Variants in GOLIM4 observed in about 807,000 individuals in gnomAD.
GOLIM4 encodes 130 kDa golgi-localized phosphoprotein.
GOLIM4 carries 71 observed loss-of-function variants against 107.4 expected under a neutral mutation model. The ratio of observed to expected loss-of-function variants is 0.66; its 90% CI spans 0.55 to 0.81. The LOEUF is 0.81. Among genes scored for constraint, GOLIM4 ranks in the 30% least tolerant of loss-of-function variants. The pLI, the probability that GOLIM4 is intolerant of heterozygous loss-of-function variation, is 0.00. For missense variants in GOLIM4, 830 were observed against 826.1 expected, an observed-to-expected ratio of 1.00 and a Z score of -0.06; for synonymous variants, 327 against 294.8, an observed-to-expected ratio of 1.11 and a Z score of -1.12.
intron 1 of GOLIM4, among the ~76,000 whole-genome samples, chr3:168,062,786 T>C (rs1245924982): frequency 6.6e-6 from 1 of 152,098 alleles, no homozygotes; most frequent in Non-Finnish European, 1.5e-5. Context: ...GCAAACTATA[T>C]TTAGGAAATA....
At chr3:168,016,568 T>C (rs1266231433) in intron 14 of GOLIM4, among the ~76,000 whole-genome samples, 1 of 133,534 alleles carries the variant, frequency 7.5e-6, no homozygotes, top group Non-Finnish European at 1.5e-5. Context: ...TTATAAATCA[T>C]GCTGCTATAA....
chr3:168,021,466 G>A (rs565804471), intron 14 of GOLIM4, among the ~76,000 whole-genome samples: 125 of 152,232 alleles, frequency 8.2e-4, no homozygotes, highest in Middle Eastern at 3.4e-3. Context: ...AGGAGTTCAA[G>A]ACTAGCCTGG....
chr3:168,094,966 G>C (rs1722094908), intron 1 of GOLIM4, 133 bp downstream of exon 1: 1 of 642,450 alleles, frequency 1.6e-6, no homozygotes, highest in African/African-American at 1.8e-5. Context: ...GTCCTGAAAC[G>C]CTCACCTCTG....
intron 1 of GOLIM4, among the ~76,000 whole-genome samples, chr3:168,091,632 A>G (rs1577584929): frequency 6.6e-6 from 1 of 152,200 alleles, no homozygotes; most frequent in African/African-American, 2.4e-5. Flanking sequence ...CAAGAGTAAA[A>G]GGGATAAAGC....
At chr3:168,037,957 C>T (rs554663973) in intron 7 of GOLIM4, among the ~76,000 whole-genome samples, 10 of 152,320 alleles carry the variant, frequency 6.6e-5, no homozygotes, top group East Asian at 5.8e-4. Context: ...ACAGGGCCAG[C>T]TCCGCAGTGT....
At chr3:168,011,251 G>A (rs1214353575) in intron 14 of GOLIM4, among the ~76,000 whole-genome samples, 1 of 151,724 alleles carries the variant, frequency 6.6e-6, no homozygotes, top group Non-Finnish European at 1.5e-5. Context: ...GGGTCGGGGA[G>A]TTCCCTTTCC....
chr3:168,051,093 G>T (rs942219377), intron 1 of GOLIM4, among the ~76,000 whole-genome samples: 1 of 152,066 alleles, frequency 6.6e-6, no homozygotes, highest in Non-Finnish European at 1.5e-5. Flanking sequence ...TGTGGTACCA[G>T]ATAATCAGGT....
intron 1 of GOLIM4, among the ~76,000 whole-genome samples, chr3:168,054,399 A>T (rs1719824480): frequency 6.6e-6 from 1 of 152,142 alleles, no homozygotes; most frequent in East Asian, 1.9e-4. Context: ...AGCCCCTCCT[A>T]CTGCCTTTCC....
At chr3:168,089,472 T>C (rs984396775) in intron 1 of GOLIM4, among the ~76,000 whole-genome samples, 13 of 152,332 alleles carry the variant, frequency 8.5e-5, no homozygotes, top group African/African-American at 3.1e-4. Context: ...CTATTGATTC[T>C]CAAGATAACC....
In GOLIM4 at chr3:168,010,138, T is replaced by A; in HGVS notation, c.*131A>T. ...CATATAAATGTATGCGCATTTCTAATACAAAAGTTTTAAAAAAGTCTAAGT... is the reference window on the plus strand; with the variant it reads ...CATATAAATGTATGCGCATTTCTAAAACAAAAGTTTTAAAAAAGTCTAAGT... On this transcript the variant is annotated 3_prime_UTR_variant, in exon 16 of 16. Coordinates refer to ENST00000470487, the MANE Select transcript of GOLIM4 (RefSeq NM_014498.5). 2.7e-6 allele frequency: 2 copies of A among 728,250 alleles called. No homozygotes were observed. Among genetic ancestry groups the A allele is most frequent in the Non-Finnish European group, 4.4e-6 (2 of 454,724 alleles). 45.1% of individuals were successfully genotyped at this position (728,250 alleles called of 1,614,324 possible).
chr3:168,058,920 T>C (rs758405036), intron 1 of GOLIM4, among the ~76,000 whole-genome samples: 1 of 152,166 alleles, frequency 6.6e-6, no homozygotes, highest in Non-Finnish European at 1.5e-5. Flanking sequence ...AGCAATCAGA[T>C]TGCAGCTGGA....
intron 8 of GOLIM4, among the ~76,000 whole-genome samples, chr3:168,033,606 C>CAAAAAAAAAAAAAAAAAAAAAA (rs61728774): frequency 3.2e-5 from 1 of 31,306 alleles, no homozygotes; most frequent in African/African-American, 9.1e-5. Flanking sequence ...GACTCCGTCT[C>CAAAAAAAAAAAAAAAAAAAAAA]AAAAAAAAAA....
chr3:168,040,729 T>A (rs183205554), intron 7 of GOLIM4, 57 bp downstream of exon 7: 26 of 1,103,294 alleles, frequency 2.4e-5, no homozygotes, highest in Non-Finnish European at 3.4e-5. Flanking sequence ...CATAAAGGAA[T>A]TGAGAAATGT....
chr3:168,039,695 C>G (rs1718869104), intron 7 of GOLIM4, among the ~76,000 whole-genome samples: 1 of 152,274 alleles, frequency 6.6e-6, no homozygotes, highest in South Asian at 2.1e-4. Context: ...CTCAGTCTTA[C>G]ATTTATGGCC....
intron 14 of GOLIM4, among the ~76,000 whole-genome samples, chr3:168,012,310 GA>G (rs1717091424): frequency 7.3e-6 from 1 of 136,078 alleles, no homozygotes; most frequent in Non-Finnish European, 1.5e-5. Context: ...TGAAATGAAT[GA>G]AATGAAGCGA....
At chr3:168,049,452 C>T (rs867182073) in intron 1 of GOLIM4, among the ~76,000 whole-genome samples, 9 of 104,168 alleles carry the variant, frequency 8.6e-5, no homozygotes, top group Middle Eastern at 0.011. Context: ...TGAATAGGCA[C>T]CGAGGGAGAG....
Position 168,010,477 on chromosome 3 carries a change from TTCTC to T in GOLIM4, c.1942-63_1942-60del, listed in dbSNP as rs1716939201. On this transcript the variant is annotated intron_variant, in intron 15 of 15. Transcript: ENST00000470487. ...ATAGTATAGAGTTAGTGATAAATAA[TTCTC>T]TCTAAAAACAGGATGAAAAATTACT... 114 of 1,172,356 alleles carry T rather than the reference TTCTC, an allele frequency of 9.7e-5. 1 individual carries two copies. The South Asian group carries it at 1.4e-3, about 14-fold the overall frequency. The allele number at this position is 1,172,356 out of a possible 1,614,324, so 72.6% of individuals were successfully genotyped here.
intron 1 of GOLIM4, among the ~76,000 whole-genome samples, chr3:168,086,401 T>C (rs948104062): frequency 6.6e-6 from 1 of 152,198 alleles, no homozygotes; most frequent in African/African-American, 2.4e-5. Flanking sequence ...AATATCTTGA[T>C]TTGCAGATTA....
intron 10 of GOLIM4, among the ~76,000 whole-genome samples, chr3:168,029,544 C>T (rs567524341): frequency 6.6e-6 from 1 of 152,012 alleles, no homozygotes; most frequent in Non-Finnish European, 1.5e-5. Context: ...ATAAAGTTGG[C>T]ACAAAGCCTG....
Sources: allele counts gnomAD v4.1 joint callset (sites outside exome capture counted in the v4.1 genomes callset), GRCh38; gene constraint gnomAD v4.1.1; transcripts MANE v1.5; gene names NCBI Gene and HGNC (gene_info 2026-07-23, HGNC 2026-07-21).